EIF2B3: variants seen among roughly 807,000 people sequenced by gnomAD.
EIF2B3 encodes the protein eukaryotic translation initiation factor 2B subunit gamma.
A neutral mutation model predicts 54.1 loss-of-function variants in EIF2B3; 20 were observed. The observed-to-expected ratio is 0.37, with a 90% confidence interval of 0.26 to 0.54. The LOEUF (loss-of-function observed/expected upper bound fraction) is 0.54, where lower values mean the gene tolerates loss of function less well. Among genes scored for constraint, EIF2B3 ranks in the 20% least tolerant of loss-of-function variants. EIF2B3 has a pLI of 0.86. For missense variants in EIF2B3, 448 were observed against 547.8 expected (o/e 0.82, Z 1.82); for synonymous variants, 153 against 188.1 (o/e 0.81, Z 1.52).
chr1:44,931,592 T>C (rs1445626692), intron 4 of EIF2B3, among the ~76,000 whole-genome samples: 1 of 152,184 alleles, frequency 6.6e-6, no homozygotes, highest in Admixed American at 6.5e-5. Context: ...CCACTAGAGT[T>C]TACGAACATT....
At chr1:44,919,964 C>T (rs1406172173) in intron 5 of EIF2B3, among the ~76,000 whole-genome samples, 1 of 149,768 alleles carries the variant, frequency 6.7e-6, no homozygotes, top group Non-Finnish European at 1.5e-5. Context: ...TCGTGATCCG[C>T]CCACCTCGGC....
At chr1:44,948,586 T>C (rs922048966) in intron 3 of EIF2B3, among the ~76,000 whole-genome samples, 1 of 152,024 alleles carries the variant, frequency 6.6e-6, no homozygotes. Context: ...TATGATATGC[T>C]CTTTATATAA....
At chr1:44,877,754 G>A (rs1007621657) in intron 8 of EIF2B3, among the ~76,000 whole-genome samples, 5 of 152,304 alleles carry the variant, frequency 3.3e-5, no homozygotes, top group East Asian at 1.9e-4. Context: ...CACAGGTAGT[G>A]CGCCTGTCTA....
At chr1:44,908,868 A>G (rs758160184) in intron 5 of EIF2B3, among the ~76,000 whole-genome samples, 3 of 152,206 alleles carry the variant, frequency 2.0e-5, no homozygotes, top group Non-Finnish European at 4.4e-5. Context: ...GGGTCTGAAT[A>G]AAGGCAAAGT....
At chr1:44,862,662 G>C (rs967295901) in intron 10 of EIF2B3, among the ~76,000 whole-genome samples, 3 of 152,222 alleles carry the variant, frequency 2.0e-5, no homozygotes, top group Admixed American at 1.3e-4. Context: ...GTCTCACACT[G>C]TCGCCCGGAC....
At chr1:44,892,837 T>C (rs185141671) in intron 6 of EIF2B3, among the ~76,000 whole-genome samples, 1 of 152,268 alleles carries the variant, frequency 6.6e-6, no homozygotes, top group Admixed American at 6.5e-5. Context: ...TTTGTTGTTA[T>C]TGAAGTAAAG....
At chr1:44,905,125 G>A (rs1249726029) in intron 5 of EIF2B3, among the ~76,000 whole-genome samples, 1 of 152,138 alleles carries the variant, frequency 6.6e-6, no homozygotes, top group Non-Finnish European at 1.5e-5. Context: ...GTAAGTGGTA[G>A]GAATAACAGA....
chr1:44,868,123 G>A (rs2148897993), intron 10 of EIF2B3, among the ~76,000 whole-genome samples: 1 of 152,174 alleles, frequency 6.6e-6, no homozygotes. Flanking sequence ...TGTTGGCCGG[G>A]CGCAATGGCT....
At chr1:44,912,845 G>A (rs1643542072) in intron 5 of EIF2B3, among the ~76,000 whole-genome samples, 1 of 151,988 alleles carries the variant, frequency 6.6e-6, no homozygotes, top group African/African-American at 2.4e-5. Flanking sequence ...AAAGTCCCCT[G>A]CCTCAAGGAA....
intron 5 of EIF2B3, among the ~76,000 whole-genome samples, chr1:44,912,073 A>G (rs1569698898): frequency 6.6e-6 from 1 of 151,546 alleles, no homozygotes; most frequent in African/African-American, 2.4e-5. Context: ...TCCATGGTGT[A>G]TATGTGCCAC....
At chr1:44,970,543 C>T (rs1427754749) in intron 3 of EIF2B3, among the ~76,000 whole-genome samples, 3 of 152,108 alleles carry the variant, frequency 2.0e-5, no homozygotes, top group African/African-American at 7.2e-5. Flanking sequence ...TGTGGGCACA[C>T]GGGAAGAAAA....
chr1:44,855,970 G>T (rs1248204118), intron 11 of EIF2B3, among the ~76,000 whole-genome samples: 1 of 152,184 alleles, frequency 6.6e-6, no homozygotes, highest in East Asian at 1.9e-4. Flanking sequence ...GGAATGTGTA[G>T]TTCTGCTATG....
chr1:44,942,506 C>T (rs1330652986), intron 3 of EIF2B3, among the ~76,000 whole-genome samples: 1 of 140,434 alleles, frequency 7.1e-6, no homozygotes. Context: ...CAGCTCACTG[C>T]AGCCTCGACC....
intron 11 of EIF2B3, among the ~76,000 whole-genome samples, chr1:44,854,721 G>T (rs1015855441): frequency 6.6e-6 from 1 of 151,600 alleles, no homozygotes; most frequent in Non-Finnish European, 1.5e-5. Context: ...CCAAGTAGCT[G>T]GGATTACAGG....
chr1:44,984,668 C>CA (rs1446878732), intron 1 of EIF2B3, among the ~76,000 whole-genome samples: 1 of 152,014 alleles, frequency 6.6e-6, no homozygotes, highest in Non-Finnish European at 1.5e-5. Context: ...TGAACTAGGG[C>CA]AAACTACGTA....
intron 11 of EIF2B3, 95 bp from the exon 12 acceptor site, chr1:44,851,098 CTT>C (rs1654253926): frequency 3.2e-6 from 4 of 1,266,640 alleles, no homozygotes; most frequent in African/African-American, 1.5e-5. Flanking sequence ...GAGTTTCGCT[CTT>C]GTCACCCAGG....
intron 10 of EIF2B3, among the ~76,000 whole-genome samples, chr1:44,867,837 C>T (rs913766957): frequency 3.4e-5 from 5 of 148,284 alleles, no homozygotes; most frequent in African/African-American, 1.2e-4. Flanking sequence ...AAAGAAGTAG[C>T]CAGCCTAGGC....
chr1:44,857,582 C>A, intron 11 of EIF2B3, 122 bp downstream of exon 11: 1 of 917,592 alleles, frequency 1.1e-6, no homozygotes. Context: ...ATGGCTTTAT[C>A]AATTTATGTT....
At chr1:44,944,836 T>C (rs894638939) in intron 3 of EIF2B3, among the ~76,000 whole-genome samples, 5 of 151,674 alleles carry the variant, frequency 3.3e-5, no homozygotes, top group African/African-American at 1.2e-4. Flanking sequence ...CTCAAATAAA[T>C]AAATAGTCTG....
Sources: allele counts gnomAD v4.1 joint callset (sites outside exome capture counted in the v4.1 genomes callset), GRCh38; gene constraint gnomAD v4.1.1; transcripts MANE v1.5; gene names NCBI Gene and HGNC (gene_info 2026-07-23, HGNC 2026-07-21).